The following LIMCH1 variants were observed in gnomAD, a reference collection of about 807,000 sequenced individuals.
LIMCH1 encodes LIM and calponin homology domains-containing protein 1.
A neutral mutation model predicts 176.5 loss-of-function variants in LIMCH1; 113 were observed. That is an observed-to-expected ratio of 0.64 (90% CI 0.55 to 0.75). The LOEUF is 0.75. LIMCH1 is among the 30% of genes least tolerant of loss of function. The pLI is 0.00. For missense variants in LIMCH1, 1,674 were observed against 1,814.9 expected, an observed-to-expected ratio of 0.92 and a Z score of 1.41; for synonymous variants, 619 against 645.9, an observed-to-expected ratio of 0.96 and a Z score of 0.63.
At chr4:41,487,138 T>C (rs2069745031) in intron 1 of LIMCH1, among the ~76,000 whole-genome samples, 1 of 152,042 alleles carries the variant, frequency 6.6e-6, no homozygotes, top group African/African-American at 2.4e-5. Flanking sequence ...GGATTACAGG[T>C]GTGAGCCACC....
intron 26 of LIMCH1, among the ~76,000 whole-genome samples, chr4:41,683,845 C>A (rs79744815): frequency 0.011 from 1,751 of 152,314 alleles, 27 homozygotes; most frequent in African/African-American, 0.041. Flanking sequence ...AAGCTATTTA[C>A]AAAATGTACA....
At chr4:41,382,552 GGGAA>G (rs2055843533) in intron 1 of LIMCH1, among the ~76,000 whole-genome samples, 1 of 152,126 alleles carries the variant, frequency 6.6e-6, no homozygotes. Context: ...GCCTGAATTA[GGGAA>G]TTAGGAGAGT....
At chr4:41,521,967 G>A (rs562559427) in intron 2 of LIMCH1, among the ~76,000 whole-genome samples, 90 of 152,188 alleles carry the variant, frequency 5.9e-4, no homozygotes, top group African/African-American at 2.1e-3. Context: ...TTTTGAGGCC[G>A]TGATTGCTAA....
rs768709071 is a variant in LIMCH1 at position 41,620,436 on chromosome 4, G to A, written c.471G>A (p.Thr157=). 1.8e-5 allele frequency: 28 copies of A among 1,535,904 alleles called. No homozygotes were observed. The highest frequency in any genetic ancestry group is 2.7e-5 in the African/African-American group (2 of 73,164). The change falls in exon 7 of 32, where the codon ACG becomes ACA. Residue 157 remains threonine (T), a synonymous_variant. Coordinates refer to ENST00000503057, the MANE Select transcript of LIMCH1 (RefSeq NM_001330672.2). ...TCCAACTCACTAGCTTTCCTGAAAC[G>A]ATAGAGGAAGAGGGGAGTGAAGTGG... is the stretch of plus-strand genomic sequence containing the variant. ...GGERPFSFPE[T]IEEEGSEVGS...
chr4:41,578,352 C>G (rs944724959), intron 1 of LIMCH1, among the ~76,000 whole-genome samples: 35 of 152,108 alleles, frequency 2.3e-4, no homozygotes, highest in African/African-American at 8.5e-4. Context: ...CCCCATGAGC[C>G]GATCACCTCT....
In LIMCH1 at chr4:41,522,641, G is replaced by A. The variant is rs919784890; in HGVS notation, c.168-1768G>A. 4.6e-5 allele frequency among the ~76,000 whole-genome samples: 7 copies of A among 152,268 alleles called. 1 individual carries two copies. The South Asian group carries it at 6.2e-4, about 14-fold the overall frequency. ...GGCTTTGGAGATATCATATCTATCT[G>A]TGTATTTTAAACCAGAAGATTTGGG... is the stretch of plus-strand genomic sequence containing the variant. On this transcript the variant is annotated intron_variant, in intron 2 of 26. Coordinates refer to the LIMCH1 transcript ENST00000313860.
Position 41,629,569 on chromosome 4 carries a change from G to C in LIMCH1, c.1106G>C (p.Gly369Ala), listed in dbSNP as rs1485592317. The change falls in exon 9 of 32, where the codon GGA becomes GCA. Residue 369 changes from glycine (G) to alanine (A), a missense_variant. Transcript: ENST00000503057. Reference protein sequence around the residue: ...MRAQESEPVEGGLRKVPDLHK... With the variant: ...MRAQESEPVEAGLRKVPDLHK... ...GCTCAGGAAAGTGAACCTGTGGAAG[G>C]AGGACTCAGGAAGGTGCCAGATCTT... 2.6e-6 allele frequency: 4 copies of C among 1,535,976 alleles called. No homozygotes were observed. Among genetic ancestry groups the C allele is most frequent in the Non-Finnish European group, 3.5e-6 (4 of 1,146,920 alleles).
intron 18 of LIMCH1, among the ~76,000 whole-genome samples, chr4:41,652,043 G>A (rs141648748): frequency 6.6e-6 from 1 of 152,160 alleles, no homozygotes; most frequent in African/African-American, 2.4e-5. Context: ...CTAATTTATA[G>A]CATTTGGGTT....
At chr4:41,663,298 C>T (rs1464313501) in intron 20 of LIMCH1, among the ~76,000 whole-genome samples, 2 of 151,960 alleles carry the variant, frequency 1.3e-5, no homozygotes, top group African/African-American at 2.4e-5. Context: ...GGATTATAGG[C>T]GTCTGCCACC....
At chr4:41,377,535 T>C (rs1420117184) in intron 1 of LIMCH1, among the ~76,000 whole-genome samples, 12 of 152,206 alleles carry the variant, frequency 7.9e-5, no homozygotes, top group Non-Finnish European at 1.0e-4. Context: ...CAAAGGAAGA[T>C]GTGAACATTC....
intron 2 of LIMCH1, among the ~76,000 whole-genome samples, chr4:41,500,379 C>T (rs1420866572): frequency 6.6e-6 from 1 of 152,190 alleles, no homozygotes; most frequent in Non-Finnish European, 1.5e-5. Context: ...TTTTCTCCCT[C>T]CTCTTTTTGA....
At chr4:41,680,202 A>C in intron 24 of LIMCH1, 104 bp downstream of exon 24, 1 of 751,898 alleles carries the variant, frequency 1.3e-6, no homozygotes, top group East Asian at 2.7e-5. Flanking sequence ...GCTGTGTCTG[A>C]CTCTTTACTG....
chr4:41,574,906 G>A (rs73146360), intron 1 of LIMCH1, among the ~76,000 whole-genome samples: 9,145 of 152,228 alleles, frequency 0.06, 883 homozygotes, highest in African/African-American at 0.2. Context: ...TCATCTGTCA[G>A]TTAGGAACCA....
chr4:41,525,761 A>G (rs775750280), intron 3 of LIMCH1, among the ~76,000 whole-genome samples: 25 of 152,076 alleles, frequency 1.6e-4, no homozygotes, highest in Non-Finnish European at 3.1e-4. Context: ...GTATACATAT[A>G]TCAATTATTT....
chr4:41,549,924 G>A (rs540867535), intron 1 of LIMCH1, among the ~76,000 whole-genome samples: 10 of 151,876 alleles, frequency 6.6e-5, no homozygotes, highest in Middle Eastern at 3.4e-3. Flanking sequence ...AGTTTCTGTC[G>A]GATTTGTCTT....
Position 41,373,962 on chromosome 4 carries a change from A to G in LIMCH1, c.96+13026A>G, listed in dbSNP as rs550781923. Among the ~76,000 whole-genome samples, 9 of 152,280 alleles carry G rather than the reference A, an allele frequency of 5.9e-5. No homozygotes were observed. In the South Asian group the frequency reaches 1.7e-3, roughly 28 times the overall value. On this transcript the variant is annotated intron_variant, in intron 1 of 26. Transcript: ENST00000313860. Reference sequence around the variant, plus strand: ...GCTCTCTCTTCCTCCTGTTCCTACCATGCAGGACATGCCTACTTCCCCTTC... The same window carrying G: ...GCTCTCTCTTCCTCCTGTTCCTACCGTGCAGGACATGCCTACTTCCCCTTC...
intron 1 of LIMCH1, among the ~76,000 whole-genome samples, chr4:41,419,592 T>TTCCTTCCTTCC (rs1561309427): frequency 2.2e-5 from 2 of 90,186 alleles, no homozygotes; most frequent in African/African-American, 1.8e-4. Flanking sequence ...CCTTCCTTCC[T>TTCCTTCCTTCC]TCCTTCCTTC....
chr4:41,644,366 G>A (rs373718216), intron 14 of LIMCH1, 134 bp from the exon 15 acceptor site: 2 of 1,191,272 alleles, frequency 1.7e-6, no homozygotes, highest in East Asian at 3.0e-5. Flanking sequence ...CGCCAGTCAC[G>A]CGCTGTGCGC....
chr4:41,668,278 G>A (rs181965673), intron 21 of LIMCH1, among the ~76,000 whole-genome samples: 72 of 152,314 alleles, frequency 4.7e-4, no homozygotes, highest in African/African-American at 1.6e-3. Flanking sequence ...GGTTCTTAAT[G>A]TGGAAACAAG....
Sources: gnomAD v4.1 joint callset for allele counts (sites outside exome capture counted in the v4.1 genomes callset) on GRCh38, gnomAD v4.1.1 for gene constraint, MANE v1.5 for transcripts, NCBI Gene and HGNC (gene_info 2026-07-23, HGNC 2026-07-21) for gene names.